Variants in LRMDA observed in about 807,000 individuals in gnomAD.
The protein encoded by LRMDA is leucine rich melanocyte differentiation associated.
LRMDA carries 18 observed loss-of-function variants against 29.8 expected under a neutral mutation model. That is an observed-to-expected ratio of 0.60 (90% CI 0.42 to 0.90). The LOEUF (loss-of-function observed/expected upper bound fraction) is 0.90, where lower values mean the gene tolerates loss of function less well. LRMDA is among the 40% of genes least tolerant of loss of function. The pLI, the probability that LRMDA is intolerant of heterozygous loss-of-function variation, is 0.00. For missense variants in LRMDA, 273 were observed against 273.9 expected (o/e 1.00, Z 0.02); for synonymous variants, 125 against 109.4 (o/e 1.14, Z -0.89).
intron 2 of LRMDA, among the ~76,000 whole-genome samples, chr10:75,526,335 G>T (rs774084742): frequency 1.3e-4 from 20 of 152,066 alleles, no homozygotes; most frequent in Non-Finnish European, 2.8e-4. Context: ...AAAGTGCTGG[G>T]ATTACAGGCA....
At chr10:75,814,596 T>C (rs1361733832) in intron 2 of LRMDA, among the ~76,000 whole-genome samples, 1 of 152,162 alleles carries the variant, frequency 6.6e-6, no homozygotes, top group Non-Finnish European at 1.5e-5. Flanking sequence ...GAAACATTCA[T>C]GTTCTTCCTC....
chr10:75,499,402 G>A (rs2132067840), intron 2 of LRMDA, among the ~76,000 whole-genome samples: 1 of 152,310 alleles, frequency 6.6e-6, no homozygotes, highest in Non-Finnish European at 1.5e-5. Flanking sequence ...GCTGCCTGGA[G>A]TGAGGGTCTG....
chr10:76,133,715 C>A (rs897694067), intron 5 of LRMDA, among the ~76,000 whole-genome samples: 1 of 152,224 alleles, frequency 6.6e-6, no homozygotes, highest in African/African-American at 2.4e-5. Flanking sequence ...AATTACTCGA[C>A]GACATGTGGA....
At position 75,732,159 on chromosome 10, in the gene LRMDA, CAG is replaced by C. The variant is rs774031918; in HGVS notation, c.131+293666_131+293667del. Among the ~76,000 whole-genome samples the C allele has an allele frequency of 1.9e-4, 29 of 152,258 alleles. No homozygotes were observed. The East Asian group carries it at 2.1e-3, about 11-fold the overall frequency. On this transcript the variant is annotated intron_variant, in intron 2 of 6. Coordinates refer to ENST00000611255, the MANE Select transcript of LRMDA (RefSeq NM_001305581.2). ...TATCAGTTGGTTCAACCAAATGCAT[CAG>C]GGGGATTTGCTGAATGATGGAATCC...
chr10:75,618,903 C>A (rs1365413226), intron 2 of LRMDA, among the ~76,000 whole-genome samples: 3 of 151,768 alleles, frequency 2.0e-5, no homozygotes, highest in African/African-American at 7.3e-5. Flanking sequence ...CTGCCTCAGC[C>A]TCCCAAGTAG....
At chr10:76,261,684 A>G (rs1377326687) in intron 5 of LRMDA, among the ~76,000 whole-genome samples, 1 of 152,238 alleles carries the variant, frequency 6.6e-6, no homozygotes, top group Non-Finnish European at 1.5e-5. Flanking sequence ...CATGCCTTCA[A>G]TAATGGGTCT....
intron 5 of LRMDA, among the ~76,000 whole-genome samples, chr10:76,150,460 A>G (rs1286918776): frequency 6.6e-6 from 1 of 152,210 alleles, no homozygotes; most frequent in East Asian, 1.9e-4. Flanking sequence ...CTCCCCTGCC[A>G]GGAAACTCCC....
At chr10:76,316,350 G>C (rs1840698738) in intron 5 of LRMDA, among the ~76,000 whole-genome samples, 1 of 152,210 alleles carries the variant, frequency 6.6e-6, no homozygotes, top group African/African-American at 2.4e-5. Flanking sequence ...CTGGCACTTG[G>C]AGCTGCCTGC....
chr10:75,834,860 C>T (rs1175609348), intron 2 of LRMDA, among the ~76,000 whole-genome samples: 1 of 152,144 alleles, frequency 6.6e-6, no homozygotes, highest in Non-Finnish European at 1.5e-5. Context: ...CGACAGTCCT[C>T]GCTTCCTTCT....
intron 2 of LRMDA, among the ~76,000 whole-genome samples, chr10:75,978,727 C>T (rs892240456): frequency 1.4e-4 from 21 of 152,236 alleles, no homozygotes; most frequent in African/African-American, 4.8e-4. Flanking sequence ...TTTTAGGTGG[C>T]ACAAATACAT....
chr10:75,674,273 A>G (rs1368912137), intron 2 of LRMDA, among the ~76,000 whole-genome samples: 1 of 152,172 alleles, frequency 6.6e-6, no homozygotes, highest in Non-Finnish European at 1.5e-5. Context: ...TTTAACAGGG[A>G]GCAGATTTTA....
intron 2 of LRMDA, among the ~76,000 whole-genome samples, chr10:75,948,826 G>A (rs953198832): frequency 3.3e-5 from 5 of 151,986 alleles, no homozygotes; most frequent in Admixed American, 6.6e-5. Context: ...GTTGGTGTCC[G>A]GTTGGTGATA....
chr10:75,658,048 C>T (rs7070416), intron 2 of LRMDA, among the ~76,000 whole-genome samples: 2 of 151,706 alleles, frequency 1.3e-5, no homozygotes, highest in African/African-American at 4.9e-5. Context: ...AGTGTTTAGA[C>T]TTTTTTGTAC....
rs1322900500 is a variant in LRMDA, at chr10:75,927,136, G to A, written c.132-108872G>A. ...TAGCCTTTTCAGTGCCTCAGCTCAGGGGTCTCCAGCGATAGGGAATTCATT... is the reference window on the plus strand; with the variant it reads ...TAGCCTTTTCAGTGCCTCAGCTCAGAGGTCTCCAGCGATAGGGAATTCATT... On this transcript the variant is annotated intron_variant, in intron 2 of 6. Coordinates refer to ENST00000611255, the MANE Select transcript of LRMDA (RefSeq NM_001305581.2). Among the ~76,000 whole-genome samples, 3 of 152,130 alleles carry A rather than the reference G, an allele frequency of 2.0e-5. No homozygotes were observed. The East Asian group carries it at 5.8e-4, about 29-fold the overall frequency.
chr10:76,376,376 CCTCT>C (rs1490972111), intron 6 of LRMDA, among the ~76,000 whole-genome samples: 4 of 152,034 alleles, frequency 2.6e-5, no homozygotes, highest in Non-Finnish European at 4.4e-5. Context: ...ATATATCATG[CCTCT>C]CTATCTACCT....
At chr10:76,517,532 T>C (rs1287155414) in intron 6 of LRMDA, among the ~76,000 whole-genome samples, 2 of 152,016 alleles carry the variant, frequency 1.3e-5, no homozygotes, top group Non-Finnish European at 2.9e-5. Flanking sequence ...ATAAGAAATA[T>C]TGGTATGGAC....
chr10:76,061,790 A>C (rs1426938746), intron 5 of LRMDA, among the ~76,000 whole-genome samples: 1 of 152,194 alleles, frequency 6.6e-6, no homozygotes. Context: ...TCAAGTGCCC[A>C]GGACGATTCT....
intron 5 of LRMDA, among the ~76,000 whole-genome samples, chr10:76,217,398 C>T (rs868730004): frequency 3.1e-4 from 47 of 152,242 alleles, no homozygotes; most frequent in African/African-American, 1.1e-3. Context: ...TGCTATTAAA[C>T]TAGACCATAA....
At chr10:75,476,617 A>C (rs1844794379) in intron 2 of LRMDA, among the ~76,000 whole-genome samples, 1 of 152,144 alleles carries the variant, frequency 6.6e-6, no homozygotes, top group Non-Finnish European at 1.5e-5. Flanking sequence ...TGTAGAATCT[A>C]GGCCAACCTT....
Sources: allele counts gnomAD v4.1 joint callset (sites outside exome capture counted in the v4.1 genomes callset), GRCh38; gene constraint gnomAD v4.1.1; transcripts MANE v1.5; gene names NCBI Gene and HGNC (gene_info 2026-07-23, HGNC 2026-07-21).